TNKS: variants seen among roughly 807,000 people sequenced by gnomAD.
TNKS encodes the protein poly [ADP-ribose] polymerase tankyrase-1.
TNKS carries 72 observed loss-of-function variants against 135.8 expected under a neutral mutation model. The observed-to-expected ratio is 0.53, with a 90% CI of 0.44 to 0.64. TNKS has a LOEUF of 0.64. TNKS is among the 30% of genes least tolerant of loss of function. TNKS has a pLI of 0.00. For synonymous variants in TNKS, 849 were observed against 649.3 expected, an observed-to-expected ratio of 1.31 and a Z score of -4.68; for missense variants, 1,769 against 1,674.0, an observed-to-expected ratio of 1.06 and a Z score of -0.99.
At chr8:9,559,596 C>CA (rs1797244099) in intron 1 of TNKS, among the ~76,000 whole-genome samples, 1 of 151,906 alleles carries the variant, frequency 6.6e-6, no homozygotes, top group Admixed American at 6.6e-5. Context: ...TCAGCCTCCC[C>CA]CATCCCTACC....
intron 3 of TNKS, among the ~76,000 whole-genome samples, chr8:9,629,705 C>A (rs1345676879): frequency 1.3e-5 from 2 of 152,174 alleles, no homozygotes; most frequent in Non-Finnish European, 2.9e-5. Flanking sequence ...TTTTTTGAGA[C>A]GAAGTCTCGC....
intron 2 of TNKS, among the ~76,000 whole-genome samples, chr8:9,599,660 C>G (rs1314056927): frequency 1.3e-5 from 2 of 152,142 alleles, no homozygotes; most frequent in Non-Finnish European, 1.5e-5. Flanking sequence ...TCTGATTTTA[C>G]AAATGTATTG....
chr8:9,565,681 C>G (rs746875788), intron 1 of TNKS, among the ~76,000 whole-genome samples: 2 of 151,838 alleles, frequency 1.3e-5, no homozygotes, highest in East Asian at 1.9e-4. Context: ...GAAACCCCGT[C>G]TCTACTAAAA....
Position 9,720,374 on chromosome 8 carries a change from A to T in TNKS, c.1750A>T (p.Met584Leu), listed in dbSNP as rs201404312. Residue 584 changes from methionine (M) to leucine (L), a missense_variant and splice_region_variant, in exon 12 of 27, where the codon ATG (methionine) becomes TTG (leucine). By Grantham distance (15) the Met-to-Leu change is conservative. Transcript: ENST00000310430. ...ATGTGCCCACGCAATGATTTTTCAGATGAATGCACTGGACACCCTTGGTCA... is the reference window on the plus strand; with the variant it reads ...ATGTGCCCACGCAATGATTTTTCAGTTGAATGCACTGGACACCCTTGGTCA... Reference protein sequence around the residue: ...MEVLHKHGAKMNALDTLGQTA... With the variant: ...MEVLHKHGAKLNALDTLGQTA... 143 of 1,591,408 alleles carry T rather than the reference A, an allele frequency of 9.0e-5. No individual in the cohort carries two copies. The highest frequency in any genetic ancestry group is 1.1e-4 in the Non-Finnish European group (131 of 1,169,498).
intron 3 of TNKS, among the ~76,000 whole-genome samples, chr8:9,626,281 A>G (rs574108753): frequency 1.1e-3 from 160 of 152,282 alleles, no homozygotes; most frequent in African/African-American, 3.6e-3. Flanking sequence ...CAACCTGCCA[A>G]TATCATTATA....
rs368231440 is a variant in TNKS, at chr8:9,717,072, AATATAT to A, written c.1750-3277_1750-3272del. Among the ~76,000 whole-genome samples the A allele has an allele frequency of 1.9e-3, 153 of 79,442 alleles. 4 individuals are homozygous for A. The highest frequency in any genetic ancestry group is 7.9e-3 in the Middle Eastern group (1 of 126). The allele number at this position is 79,442 out of a possible 152,430, so 52.1% of individuals were successfully genotyped here. A position where few individuals can be genotyped will look rare whatever the true frequency, so the allele number is the denominator to read the frequency against. On this transcript the variant is annotated intron_variant, in intron 11 of 26. Transcript: ENST00000310430. ...CACCAAAGATAATCTGTTGTATTAT[AATATAT>A]ATATATATATATATATATATATATT...
chr8:9,608,816 TG>T (rs1254463223), intron 2 of TNKS, among the ~76,000 whole-genome samples: 3 of 152,210 alleles, frequency 2.0e-5, no homozygotes, highest in Non-Finnish European at 4.4e-5. Context: ...GGCAGAGAGT[TG>T]GGTGATTATG....
At chr8:9,771,227 G>A (rs570303262) in intron 26 of TNKS, among the ~76,000 whole-genome samples, 1 of 145,414 alleles carries the variant, frequency 6.9e-6, no homozygotes, top group African/African-American at 2.6e-5. Flanking sequence ...GGAAGGGAGG[G>A]AGAGAGCGAG....
At chr8:9,747,559 G>A (rs1806303912) in intron 17 of TNKS, among the ~76,000 whole-genome samples, 2 of 152,154 alleles carry the variant, frequency 1.3e-5, no homozygotes, top group African/African-American at 4.8e-5. Flanking sequence ...TTTGAGATGA[G>A]TATTTCAGTA....
chr8:9,573,640 T>C lies in TNKS; in HGVS notation c.674-6519T>C, dbSNP rs373301223. Among the ~76,000 whole-genome samples the C allele has an allele frequency of 5.3e-5, 8 of 152,298 alleles. No individual in the cohort carries two copies. In the East Asian group the frequency reaches 9.6e-4, roughly 18 times the overall value. On this transcript the variant is annotated intron_variant, in intron 1 of 26. Coordinates refer to ENST00000310430, the MANE Select transcript of TNKS (RefSeq NM_003747.3). ...CCAAACTTAGTTTACAGTTACTTTA[T>C]CTGTTGGGTGTAATGGGATCTTTTT...
rs1798119107 is a variant in TNKS, at chr8:9,580,312, A to G, written c.827A>G (p.Asn276Ser). 1 of 1,614,188 alleles carries G rather than the reference A, an allele frequency of 6.2e-7. No homozygotes were observed. The highest frequency in any genetic ancestry group is 2.2e-5 in the East Asian group (1 of 44,880). The change falls in exon 2 of 27, where the codon AAT (asparagine) becomes AGT (serine). Residue 276 changes from asparagine to serine, a missense_variant. Physicochemically the swap from Asn to Ser is conservative, Grantham distance 46. Around this residue, in one of 5 missense-constraint regions of TNKS, gnomAD observed 523 missense variants for 541.0 expected, o/e 0.97. Transcript: ENST00000310430. The part of the protein sequence containing the change: ...SLLLCQGADP[N>S]ARDNWNYTPL... ...TTATTGTGCCAAGGAGCTGATCCAA[A>G]TGCCAGGGATAACTGGAACTATACA...
intron 7 of TNKS, 94 bp downstream of exon 7, chr8:9,706,347 G>C: frequency 9.8e-7 from 1 of 1,016,702 alleles, no homozygotes; most frequent in Non-Finnish European, 1.4e-6. Context: ...ATGAAAGTTT[G>C]TTTAGTTCTT....
chr8:9,598,257 C>G (rs913142642), intron 2 of TNKS, among the ~76,000 whole-genome samples: 1 of 152,016 alleles, frequency 6.6e-6, no homozygotes, highest in Non-Finnish European at 1.5e-5. Flanking sequence ...CCGTGTTAGC[C>G]AGGATGGTCT....
intron 1 of TNKS, among the ~76,000 whole-genome samples, chr8:9,567,243 C>CT (rs1264738064): frequency 6.6e-6 from 1 of 152,156 alleles, no homozygotes; most frequent in Non-Finnish European, 1.5e-5. Flanking sequence ...TAAAGTAAAA[C>CT]TTTTTTGTAA....
At chr8:9,741,543 A>G (rs1585402508) in intron 17 of TNKS, 1 of 225,466 alleles carries the variant, frequency 4.4e-6, no homozygotes, top group Non-Finnish European at 9.9e-6. Flanking sequence ...TTCTCATGGG[A>G]TAGCGTTAAG....
chr8:9,653,295 G>C (rs1279086751), intron 3 of TNKS, among the ~76,000 whole-genome samples: 1 of 152,086 alleles, frequency 6.6e-6, no homozygotes, highest in Admixed American at 6.5e-5. Context: ...TGCTGGATCT[G>C]GGGACTCAAA....
chr8:9,589,896 T>C (rs1798529174), intron 2 of TNKS, among the ~76,000 whole-genome samples: 1 of 152,236 alleles, frequency 6.6e-6, no homozygotes, highest in Non-Finnish European at 1.5e-5. Context: ...CCACAAACTC[T>C]TCTGAATTAA....
In TNKS at chr8:9,622,529, T is replaced by G. The variant is rs1319491258; in HGVS notation, c.994+6852T>G. Among the ~76,000 whole-genome samples, 5 of 152,304 alleles carry G rather than the reference T, an allele frequency of 3.3e-5. No homozygotes were observed. The East Asian group carries it at 9.6e-4, about 29-fold the overall frequency. ...GAACCATCAAGGGAAATTACAGGAA[T>G]TTGAATTCAAGCAGTTTGGCTCCAG... On this transcript the variant is annotated intron_variant, in intron 3 of 26. Transcript: ENST00000310430.
At chr8:9,759,013 A>G (rs915134749) in intron 20 of TNKS, among the ~76,000 whole-genome samples, 2 of 152,138 alleles carry the variant, frequency 1.3e-5, no homozygotes, top group African/African-American at 4.8e-5. Context: ...AGTCTGTTGG[A>G]CTGAAGCCCT....
Sources: allele counts gnomAD v4.1 joint callset (sites outside exome capture counted in the v4.1 genomes callset), GRCh38; gene constraint gnomAD v4.1.1; regional missense constraint gnomAD v4.1.1; transcripts MANE v1.5; gene names NCBI Gene and HGNC (gene_info 2026-07-23, HGNC 2026-07-21).